VTI1A: variants seen among roughly 807,000 people sequenced by gnomAD.
VTI1A encodes the protein vesicle transport through interaction with t-SNAREs homolog 1A.
Under a neutral mutation model 34.9 loss-of-function variants are expected in VTI1A, and 22 were observed. The observed-to-expected ratio is 0.63, with a 90% CI of 0.45 to 0.90. VTI1A has a LOEUF of 0.90. Ranked by LOEUF, VTI1A falls within the 40% of genes least tolerant of loss-of-function variation. The pLI, the probability that VTI1A is intolerant of heterozygous loss-of-function variation, is 0.00. For missense variants in VTI1A, 268 were observed against 275.6 expected (o/e 0.97, Z 0.20); for synonymous variants, 87 against 97.3 (o/e 0.89, Z 0.62).
chr10:112,682,986 A>T (rs964389238), intron 7 of VTI1A, among the ~76,000 whole-genome samples: 1 of 152,204 alleles, frequency 6.6e-6, no homozygotes, highest in African/African-American at 2.4e-5. Context: ...AGAATTAACT[A>T]CAGCTTTTTC....
At chr10:112,477,977 TAGCATC>T (rs1453120512) in intron 3 of VTI1A, among the ~76,000 whole-genome samples, 14 of 152,228 alleles carry the variant, frequency 9.2e-5, no homozygotes, top group African/African-American at 2.9e-4. Context: ...TCCTCATAGC[TAGCATC>T]TTGCAGATTT....
intron 7 of VTI1A, among the ~76,000 whole-genome samples, chr10:112,685,049 C>G (rs975895811): frequency 1.3e-5 from 2 of 152,104 alleles, no homozygotes; most frequent in African/African-American, 4.8e-5. Context: ...TCTGGAGTGA[C>G]ATGTTGTAGG....
chr10:112,497,921 A>AT (rs1198967633), intron 3 of VTI1A, among the ~76,000 whole-genome samples: 1 of 152,234 alleles, frequency 6.6e-6, no homozygotes, highest in African/African-American at 2.4e-5. Context: ...AAGATATTTG[A>AT]TTAACTTCTT....
chr10:112,664,453 T>C (rs1847573351), intron 5 of VTI1A, among the ~76,000 whole-genome samples: 1 of 152,148 alleles, frequency 6.6e-6, no homozygotes, highest in South Asian at 2.1e-4. Flanking sequence ...CAGATGGTAT[T>C]ATTATTTTAT....
chr10:112,494,281 AC>A (rs1848935084), intron 3 of VTI1A, among the ~76,000 whole-genome samples: 1 of 151,982 alleles, frequency 6.6e-6, no homozygotes, highest in Non-Finnish European at 1.5e-5. Context: ...AGTGTCTGTA[AC>A]AAATGTCTCC....
intron 7 of VTI1A, among the ~76,000 whole-genome samples, chr10:112,706,066 C>G (rs1221309712): frequency 6.6e-6 from 1 of 152,182 alleles, no homozygotes; most frequent in Admixed American, 6.5e-5. Flanking sequence ...CTTTCCGTAG[C>G]AAACCTTTTA....
chr10:112,586,386 C>T (rs148591599), intron 5 of VTI1A, among the ~76,000 whole-genome samples: 1 of 152,098 alleles, frequency 6.6e-6, no homozygotes, highest in East Asian at 1.9e-4. Context: ...AATTATGGTG[C>T]GAAGTGGGCG....
chr10:112,679,372 A>G (rs1046408025), intron 7 of VTI1A, among the ~76,000 whole-genome samples: 3 of 152,230 alleles, frequency 2.0e-5, no homozygotes, highest in African/African-American at 7.2e-5. Flanking sequence ...CGTAGTTAAA[A>G]TATTTCTTAA....
intron 5 of VTI1A, among the ~76,000 whole-genome samples, chr10:112,546,443 T>A (rs1851132363): frequency 6.6e-6 from 1 of 152,066 alleles, no homozygotes; most frequent in African/African-American, 2.4e-5. Flanking sequence ...GTATACTCCC[T>A]ATGAAATAAT....
intron 7 of VTI1A, among the ~76,000 whole-genome samples, chr10:112,712,536 A>G (rs1849461710): frequency 6.6e-6 from 1 of 151,872 alleles, no homozygotes; most frequent in Non-Finnish European, 1.5e-5. Context: ...ATCTAGTTAA[A>G]CGTTTACTCC....
At chr10:112,585,260 C>T (rs1844099713) in intron 5 of VTI1A, among the ~76,000 whole-genome samples, 1 of 152,220 alleles carries the variant, frequency 6.6e-6, no homozygotes, top group Non-Finnish European at 1.5e-5. Flanking sequence ...ATCACTCCAG[C>T]AGGGCTTTGG....
intron 7 of VTI1A, among the ~76,000 whole-genome samples, chr10:112,744,556 C>T (rs1850821448): frequency 6.6e-6 from 1 of 150,662 alleles, no homozygotes; most frequent in South Asian, 2.1e-4. Flanking sequence ...GCGATCTTCC[C>T]ACCTCAGCCT....
chr10:112,731,249 C>T (rs1027263883), intron 7 of VTI1A, among the ~76,000 whole-genome samples: 3 of 152,056 alleles, frequency 2.0e-5, no homozygotes, highest in Admixed American at 6.6e-5. Context: ...TTCTTGAAAC[C>T]ACCATGTAGT....
chr10:112,761,563 T>TA (rs550948757), intron 7 of VTI1A, among the ~76,000 whole-genome samples: 1 of 152,168 alleles, frequency 6.6e-6, no homozygotes, highest in East Asian at 1.9e-4. Flanking sequence ...CATTTTCTTT[T>TA]AAAAAAATAT....
At chr10:112,627,423 A>T (rs1038668029) in intron 5 of VTI1A, among the ~76,000 whole-genome samples, 1 of 152,188 alleles carries the variant, frequency 6.6e-6, no homozygotes, top group South Asian at 2.1e-4. Flanking sequence ...ATGTTTTATC[A>T]TACCTTAATT....
chr10:112,774,134 G>A (rs894363143), intron 7 of VTI1A, among the ~76,000 whole-genome samples: 1 of 152,206 alleles, frequency 6.6e-6, no homozygotes, highest in African/African-American at 2.4e-5. Flanking sequence ...GGAATGTTTC[G>A]ATGTGGAGGG....
intron 5 of VTI1A, among the ~76,000 whole-genome samples, chr10:112,636,750 C>A (rs897812802): frequency 7.9e-5 from 11 of 139,488 alleles, no homozygotes; most frequent in Admixed American, 5.0e-4. Flanking sequence ...AAAAAAACTT[C>A]AAGTGTAGAG....
chr10:112,588,120 C>T (rs1844231999), intron 5 of VTI1A, among the ~76,000 whole-genome samples: 1 of 152,126 alleles, frequency 6.6e-6, no homozygotes, highest in Non-Finnish European at 1.5e-5. Flanking sequence ...CTAACTTGAA[C>T]TTAGCTTCAA....
chr10:112,808,704 G>T (rs113486254), intron 7 of VTI1A, among the ~76,000 whole-genome samples: 9 of 151,916 alleles, frequency 5.9e-5, no homozygotes, highest in African/African-American at 1.7e-4. Flanking sequence ...TTTGGCTCCT[G>T]TAACTGGGAA....
Sources: gnomAD v4.1 joint callset for allele counts (sites outside exome capture counted in the v4.1 genomes callset) on GRCh38, gnomAD v4.1.1 for gene constraint, MANE v1.5 for transcripts, NCBI Gene and HGNC (gene_info 2026-07-23, HGNC 2026-07-21) for gene names.